Variants in LSAMP observed in about 807,000 individuals in gnomAD.
LSAMP encodes the protein limbic system associated membrane protein.
A neutral mutation model predicts 38.6 loss-of-function variants in LSAMP; 7 were observed. The observed-to-expected ratio is 0.18, with a 90% CI of 0.10 to 0.34. The LOEUF is 0.34. Ranked by LOEUF, LSAMP falls within the 10% of genes least tolerant of loss-of-function variation. The probability of loss-of-function intolerance (pLI) is 1.00; values close to 1 mark genes in which losing one functional copy is unlikely to be tolerated. For synonymous variants in LSAMP, 154 were observed against 166.8 expected, an observed-to-expected ratio of 0.92 and a Z score of 0.59; for missense variants, 313 against 420.0, an observed-to-expected ratio of 0.75 and a Z score of 2.23.
chr3:116,269,265 C>T (rs2046938081), intron 1 of LSAMP, among the ~76,000 whole-genome samples: 1 of 151,864 alleles, frequency 6.6e-6, no homozygotes, highest in African/African-American at 2.4e-5. Context: ...TTTGAAATGT[C>T]TGCAAGCCTG....
At position 116,164,472 on chromosome 3, in the gene LSAMP, G is replaced by A. The variant is rs576743732; in HGVS notation, c.156-77916C>T. Among the ~76,000 whole-genome samples, 95 of 148,978 alleles carry A rather than the reference G, an allele frequency of 6.4e-4. 1 individual carries two copies. In the South Asian group the frequency reaches 0.016, roughly 25 times the overall value. On this transcript the variant is annotated intron_variant, in intron 1 of 6. Coordinates refer to ENST00000490035, the MANE Select transcript of LSAMP (RefSeq NM_002338.5). ...AAGCAATGGCAAAAACCACAAGTAC[G>A]TTTGCACCAACCTAAACAGACGAAG...
At chr3:116,275,196 G>A (rs944630833) in intron 1 of LSAMP, among the ~76,000 whole-genome samples, 1 of 151,962 alleles carries the variant, frequency 6.6e-6, no homozygotes, top group Non-Finnish European at 1.5e-5. Context: ...GAGACTACAG[G>A]TATGCACCAT....
chr3:115,918,538 G>T (rs2107518644), intron 3 of LSAMP, among the ~76,000 whole-genome samples: 1 of 152,220 alleles, frequency 6.6e-6, no homozygotes, highest in South Asian at 2.1e-4. Context: ...CACTGGCATG[G>T]CTGTGATGGA....
intron 1 of LSAMP, among the ~76,000 whole-genome samples, chr3:116,416,226 A>G (rs1003041634): frequency 9.9e-5 from 15 of 152,166 alleles, no homozygotes; most frequent in African/African-American, 3.4e-4. Flanking sequence ...GCCATACTTA[A>G]TTGCTCTCTC....
intron 1 of LSAMP, among the ~76,000 whole-genome samples, chr3:116,302,451 AT>A (rs1327448142): frequency 6.6e-6 from 1 of 152,184 alleles, no homozygotes; most frequent in Non-Finnish European, 1.5e-5. Context: ...TCCACCCCCT[AT>A]GACACAATTT....
rs72947950 is a variant in LSAMP, at chr3:116,256,450, A to T, written c.156-169894T>A. 3.3e-3 allele frequency among the ~76,000 whole-genome samples: 510 copies of T among 152,334 alleles called. 4 individuals are homozygous for T. Among genetic ancestry groups the T allele is most frequent in the African/African-American group, 0.011 (462 of 41,588 alleles). ...AGCCGTGACCTTGCAAGTGTTTTTCATCTTTAACTTTTGATAGTGTGATTT... is the reference window on the plus strand; with the variant it reads ...AGCCGTGACCTTGCAAGTGTTTTTCTTCTTTAACTTTTGATAGTGTGATTT... On this transcript the variant is annotated intron_variant, in intron 1 of 6. Transcript: ENST00000490035.
At chr3:116,299,514 T>C (rs35538266) in intron 1 of LSAMP, among the ~76,000 whole-genome samples, 9,017 of 152,306 alleles carry the variant, frequency 0.059, 350 homozygotes, top group Middle Eastern at 0.11. Context: ...TTGTAAAATG[T>C]ACTTACACTG....
chr3:116,317,161 C>T (rs1410952210), intron 1 of LSAMP, among the ~76,000 whole-genome samples: 2 of 152,136 alleles, frequency 1.3e-5, no homozygotes, highest in Admixed American at 1.3e-4. Flanking sequence ...TCCCCTTCCA[C>T]GCTGTGGAAG....
At chr3:116,150,989 T>G (rs1046316493) in intron 1 of LSAMP, among the ~76,000 whole-genome samples, 5 of 151,990 alleles carry the variant, frequency 3.3e-5, no homozygotes, top group Non-Finnish European at 7.4e-5. Flanking sequence ...GTTTTAAGAA[T>G]TGGATGAGAC....
intron 4 of LSAMP, among the ~76,000 whole-genome samples, chr3:115,851,830 C>T (rs1451213518): frequency 6.6e-6 from 1 of 152,114 alleles, no homozygotes; most frequent in East Asian, 1.9e-4. Flanking sequence ...CATATAGATC[C>T]TCCCCCCGCC....
At chr3:115,923,104 T>G (rs377402528) in intron 3 of LSAMP, among the ~76,000 whole-genome samples, 5 of 152,310 alleles carry the variant, frequency 3.3e-5, no homozygotes, top group African/African-American at 1.2e-4. Context: ...CTACAAAAGC[T>G]GTAGCAAGCT....
intron 3 of LSAMP, 74 bp downstream of exon 3, chr3:116,019,441 A>G: frequency 6.5e-7 from 1 of 1,530,604 alleles, no homozygotes; most frequent in Non-Finnish European, 8.9e-7. Flanking sequence ...GAAATTTCTG[A>G]TTCAGCAGAA....
intron 3 of LSAMP, among the ~76,000 whole-genome samples, chr3:115,907,553 G>C (rs1315835904): frequency 6.6e-6 from 1 of 152,048 alleles, no homozygotes; most frequent in Non-Finnish European, 1.5e-5. Context: ...AAGGTATTTT[G>C]TTATAGTACC....
intron 3 of LSAMP, among the ~76,000 whole-genome samples, chr3:115,992,967 T>C (rs2107645588): frequency 6.6e-6 from 1 of 152,196 alleles, no homozygotes; most frequent in South Asian, 2.1e-4. Flanking sequence ...ACTGGATGTA[T>C]GGATGGTGCC....
intron 1 of LSAMP, among the ~76,000 whole-genome samples, chr3:116,198,774 A>AAAAAAAAAAAAT (rs549926095): frequency 6.7e-6 from 1 of 148,584 alleles, no homozygotes; most frequent in Non-Finnish European, 1.5e-5. Flanking sequence ...CCGTCTCAGA[A>AAAAAAAAAAAAT]AAAAAAAGAA....
At chr3:115,939,530 C>CTGTT (rs1553751054) in intron 3 of LSAMP, among the ~76,000 whole-genome samples, 1 of 99,620 alleles carries the variant, frequency 1.0e-5, no homozygotes, top group East Asian at 3.4e-4. Context: ...TGTTCTCTTT[C>CTGTT]TCTTTCTTTC....
At position 115,921,125 on chromosome 3, in the gene LSAMP, A is replaced by G. The variant is rs1215849871; in HGVS notation, c.515-68508T>C. 2.0e-5 allele frequency among the ~76,000 whole-genome samples: 3 copies of G among 152,062 alleles called. No individual in the cohort carries two copies. In the East Asian group the frequency reaches 5.8e-4, roughly 29 times the overall value. Reference sequence around the variant, plus strand: ...AGTAAATGTTTTGTTGATAGCATATAGTTAGATCTCATTTTTCTATCCATT... The same window carrying G: ...AGTAAATGTTTTGTTGATAGCATATGGTTAGATCTCATTTTTCTATCCATT... On this transcript the variant is annotated intron_variant, in intron 3 of 6. Coordinates refer to ENST00000490035, the MANE Select transcript of LSAMP (RefSeq NM_002338.5).
intron 6 of LSAMP, among the ~76,000 whole-genome samples, chr3:115,831,752 TAAAC>T (rs1934619792): frequency 2.6e-5 from 4 of 152,298 alleles, no homozygotes; most frequent in Middle Eastern, 3.4e-3. Context: ...TCAGAATAAA[TAAAC>T]CTAAATTAAA....
chr3:115,903,557 C>T (rs926266556), intron 3 of LSAMP, among the ~76,000 whole-genome samples: 1 of 152,150 alleles, frequency 6.6e-6, no homozygotes, highest in Non-Finnish European at 1.5e-5. Context: ...TGGAAAAAGG[C>T]ATAAAGAACC....
Sources: gnomAD v4.1 joint callset for allele counts (sites outside exome capture counted in the v4.1 genomes callset) on GRCh38, gnomAD v4.1.1 for gene constraint, MANE v1.5 for transcripts, NCBI Gene and HGNC (gene_info 2026-07-23, HGNC 2026-07-21) for gene names.